FNDC3B: variants seen among roughly 807,000 people sequenced by gnomAD.
The protein encoded by FNDC3B is fibronectin type III domain-containing protein 3B.
Under a neutral mutation model 151.5 loss-of-function variants are expected in FNDC3B, and 12 were observed. That is an observed-to-expected ratio of 0.08 (90% CI 0.05 to 0.13). The LOEUF (loss-of-function observed/expected upper bound fraction) is 0.13. FNDC3B is among the 10% of genes least tolerant of loss of function. The probability of loss-of-function intolerance (pLI) is 1.00; values close to 1 mark genes in which losing one functional copy is unlikely to be tolerated. For missense variants in FNDC3B, 1,214 were observed against 1,505.3 expected (o/e 0.81, Z 3.20); for synonymous variants, 528 against 549.0 (o/e 0.96, Z 0.54).
intron 6 of FNDC3B, among the ~76,000 whole-genome samples, chr3:172,283,690 A>G (rs972904626): frequency 6.6e-6 from 1 of 152,176 alleles, no homozygotes; most frequent in Non-Finnish European, 1.5e-5. Context: ...GTCTTTAACA[A>G]CTGAACCAGT....
intron 6 of FNDC3B, among the ~76,000 whole-genome samples, chr3:172,272,021 G>C (rs140571925): frequency 6.6e-6 from 1 of 152,160 alleles, no homozygotes; most frequent in Admixed American, 6.5e-5. Flanking sequence ...TGTTACTAGG[G>C]TCTAGATCAC....
intron 2 of FNDC3B, among the ~76,000 whole-genome samples, chr3:172,118,697 G>A (rs1035517517): frequency 5.9e-5 from 9 of 152,174 alleles, no homozygotes; most frequent in African/African-American, 1.9e-4. Context: ...GGGGAAGCTC[G>A]GTCTTGGATC....
At chr3:172,255,361 C>G (rs1728278591) in intron 6 of FNDC3B, among the ~76,000 whole-genome samples, 1 of 152,114 alleles carries the variant, frequency 6.6e-6, no homozygotes, top group Non-Finnish European at 1.5e-5. Flanking sequence ...CTCTGCCTCC[C>G]AGGTTCAAGC....
chr3:172,052,973 C>T (rs757302127), intron 1 of FNDC3B, among the ~76,000 whole-genome samples: 1 of 152,170 alleles, frequency 6.6e-6, no homozygotes, highest in Non-Finnish European at 1.5e-5. Context: ...ACTGTACTTC[C>T]AAACCCTCTG....
chr3:172,155,338 G>A (rs1392369470), intron 3 of FNDC3B, among the ~76,000 whole-genome samples: 1 of 152,206 alleles, frequency 6.6e-6, no homozygotes, highest in Non-Finnish European at 1.5e-5. Flanking sequence ...CAATCTGATT[G>A]TTGGATGAGT....
At chr3:172,194,839 T>C (rs955588623) in intron 3 of FNDC3B, among the ~76,000 whole-genome samples, 5 of 152,220 alleles carry the variant, frequency 3.3e-5, no homozygotes, top group Non-Finnish European at 7.3e-5. Context: ...AACCTAATTC[T>C]AATACCATGG....
intron 11 of FNDC3B, among the ~76,000 whole-genome samples, chr3:172,318,689 G>T (rs1233969056): frequency 6.6e-6 from 1 of 152,112 alleles, no homozygotes; most frequent in African/African-American, 2.4e-5. Flanking sequence ...TGTGTTGGTT[G>T]GTTTCATGAC....
intron 6 of FNDC3B, among the ~76,000 whole-genome samples, chr3:172,256,652 T>C (rs892845390): frequency 6.6e-6 from 1 of 152,236 alleles, no homozygotes; most frequent in Non-Finnish European, 1.5e-5. Context: ...AAGGAAGTTA[T>C]TGAGTGGGAT....
intron 4 of FNDC3B, among the ~76,000 whole-genome samples, chr3:172,246,033 C>T (rs936676600): frequency 6.6e-6 from 1 of 152,020 alleles, no homozygotes; most frequent in African/African-American, 2.4e-5. Context: ...GTCTTAAGCA[C>T]TACTTTTAAA....
chr3:172,121,728 TG>T (rs1219584235), intron 2 of FNDC3B, among the ~76,000 whole-genome samples: 1 of 152,178 alleles, frequency 6.6e-6, no homozygotes. Context: ...AAAGCATTTA[TG>T]TATGTATGTA....
At chr3:172,110,859 C>T (rs112159783) in intron 1 of FNDC3B, among the ~76,000 whole-genome samples, 5,782 of 151,952 alleles carry the variant, frequency 0.038, 357 homozygotes, top group African/African-American at 0.12. Flanking sequence ...TTTGGGAGGC[C>T]GAGGTAGGTG....
intron 1 of FNDC3B, among the ~76,000 whole-genome samples, chr3:172,078,516 C>CAGGGGTCCAT (rs56778030): frequency 1.8e-4 from 27 of 151,458 alleles, no homozygotes; most frequent in African/African-American, 5.8e-4. Context: ...GTAGAGGAGC[C>CAGGGGTCCAT]AGGCCTGTGA....
At chr3:172,391,884 C>T (rs16845421) in intron 25 of FNDC3B, among the ~76,000 whole-genome samples, 1 of 152,024 alleles carries the variant, frequency 6.6e-6, no homozygotes, top group African/African-American at 2.4e-5. Context: ...AGGAAATCAT[C>T]CTCTTCAAGA....
rs1735821281 is a variant in FNDC3B at position 172,388,240 on chromosome 3, C to T, written c.3303+7147C>T. Among the ~76,000 whole-genome samples, 3 of 152,244 alleles carry T rather than the reference C, an allele frequency of 2.0e-5. No homozygotes were observed. The South Asian group carries it at 6.2e-4, about 32-fold the overall frequency. On this transcript the variant is annotated intron_variant, in intron 25 of 25. Transcript: ENST00000415807. ...TTCTCGCCACCCTTCCCAAAAAGCTCCCTGTTATTTACAGGATTTCAACTA... is the reference window on the plus strand; with the variant it reads ...TTCTCGCCACCCTTCCCAAAAAGCTTCCTGTTATTTACAGGATTTCAACTA...
rs113449269 is a variant in FNDC3B, at chr3:172,171,746, A to T, written c.187+38200A>T. Among the ~76,000 whole-genome samples the T allele has an allele frequency of 8.6e-4, 130 of 151,924 alleles. 1 individual carries two copies. Among genetic ancestry groups the T allele is most frequent in the African/African-American group, 3.1e-3 (127 of 41,406 alleles). On this transcript the variant is annotated intron_variant, in intron 3 of 25. Transcript: ENST00000415807. ...AATGTTGCTGTTCTGATTATTAGCC[A>T]AGAGAAAACAGCTGTATACATTACT...
At position 172,053,202 on chromosome 3, in the gene FNDC3B, A is replaced by G. The variant is rs536561336; in HGVS notation, c.-29+13431A>G. On this transcript the variant is annotated intron_variant, in intron 1 of 25. Transcript: ENST00000415807. ...TGTAGGTGTTTCTAGTGTCCACCGC[A>G]GAAGCTGGTACATATTGAGTGCCCC... Among the ~76,000 whole-genome samples, 9 of 152,358 alleles carry G rather than the reference A, an allele frequency of 5.9e-5. No individual in the cohort carries two copies. In the South Asian group the frequency reaches 1.9e-3, roughly 32 times the overall value.
chr3:172,368,994 G>A (rs1327888497), intron 23 of FNDC3B, among the ~76,000 whole-genome samples: 1 of 152,204 alleles, frequency 6.6e-6, no homozygotes, highest in African/African-American at 2.4e-5. Flanking sequence ...CTGGGCGACA[G>A]AGCAAGACTC....
chr3:172,130,003 G>A (rs1453405796), intron 2 of FNDC3B, among the ~76,000 whole-genome samples: 2 of 151,426 alleles, frequency 1.3e-5, no homozygotes, highest in African/African-American at 2.4e-5. Context: ...AGGGAGGGAG[G>A]GAGGGGGAGA....
chr3:172,291,896 T>A (rs981409504), intron 7 of FNDC3B, among the ~76,000 whole-genome samples: 5 of 152,144 alleles, frequency 3.3e-5, no homozygotes, highest in Non-Finnish European at 7.4e-5. Flanking sequence ...TATATGAGTG[T>A]TGTTGCTCTG....
Sources: allele counts gnomAD v4.1 joint callset (sites outside exome capture counted in the v4.1 genomes callset), GRCh38; gene constraint gnomAD v4.1.1; transcripts MANE v1.5; gene names NCBI Gene and HGNC (gene_info 2026-07-23, HGNC 2026-07-21).